OXA1L: variants seen among roughly 807,000 people sequenced by gnomAD.
OXA1L encodes OXA1L mitochondrial inner membrane insertase.
OXA1L carries 42 observed loss-of-function variants against 52.2 expected under a neutral mutation model. The ratio of observed to expected loss-of-function variants is 0.80; its 90% CI spans 0.63 to 1.04. The LOEUF (loss-of-function observed/expected upper bound fraction) is 1.04. Ranked by LOEUF, OXA1L falls within the 50% of genes least tolerant of loss-of-function variation. OXA1L has a pLI of 0.00. For missense variants in OXA1L, 572 were observed against 555.0 expected (o/e 1.03, Z -0.31); for synonymous variants, 239 against 201.9 (o/e 1.18, Z -1.56).
At position 22,766,690 on chromosome 14, in the gene OXA1L, C is replaced by T. The variant is rs773412250; in HGVS notation, c.-12C>T. Reference sequence around the variant, plus strand: ...CTGCGCAGGCGCAAAAGCAAGTCCTCTTCCGGGCAAAATGGCGATGGGACT... The same window carrying T: ...CTGCGCAGGCGCAAAAGCAAGTCCTTTTCCGGGCAAAATGGCGATGGGACT... On this transcript the variant is annotated 5_prime_UTR_variant, in exon 1 of 10. Coordinates refer to ENST00000612549, the MANE Select transcript of OXA1L (RefSeq NM_005015.5). 3 of 1,614,160 alleles carry T rather than the reference C, an allele frequency of 1.9e-6. No individual in the cohort carries two copies. The highest frequency in any genetic ancestry group is 2.2e-5 in the South Asian group (2 of 91,094).
chr14:22,769,911 A>G lies in OXA1L; in HGVS notation c.560A>G (p.Lys187Arg), dbSNP rs768043241. 1.1e-5 allele frequency: 17 copies of G among 1,614,076 alleles called. No homozygotes were observed. The highest frequency in any genetic ancestry group is 5.3e-5 in the African/African-American group (4 of 74,932). ...TTTTCCAGTCGAATCAGAGAGGCCA[A>G]GTTAGCAGGAGACCATATTGAGTGT... Reference protein sequence around the residue: ...QKFSSRIREAKLAGDHIEYYK... With the variant: ...QKFSSRIREARLAGDHIEYYK... The change falls in exon 4 of 10, where the codon AAG becomes AGG. Residue 187 changes from lysine (K) to arginine (R), a missense_variant. Coordinates refer to ENST00000612549, the MANE Select transcript of OXA1L (RefSeq NM_005015.5).
chr14:22,770,980 A>T (rs1379499097), intron 7 of OXA1L, 38 bp from the exon 8 acceptor site: 2 of 1,613,254 alleles, frequency 1.2e-6, no homozygotes, highest in Non-Finnish European at 1.7e-6. Flanking sequence ...CTGACCAGGG[A>T]TACAGCTTCT....
At position 22,768,146 on chromosome 14, in the gene OXA1L, A is replaced by G. The variant is rs559762861; in HGVS notation, c.414A>G (p.Leu138=). The part of the protein sequence containing the change: ...LLEFMHVDLG[L]PWWGAIAACT... ...AATTTATGCATGTTGATCTGGGCCTACCTTGGTGGGGGGCCATTGCTGCAT... is the reference window on the plus strand; with the variant it reads ...AATTTATGCATGTTGATCTGGGCCTGCCTTGGTGGGGGGCCATTGCTGCAT... The change falls in exon 3 of 10, where the codon CTA becomes CTG. Residue 138 remains leucine, a synonymous_variant. Transcript: ENST00000612549. 4.1e-5 allele frequency: 66 copies of G among 1,614,064 alleles called. No homozygotes were observed. In the South Asian group the frequency reaches 6.3e-4, roughly 15 times the overall value.
chr14:22,767,128 C>T (rs1049066903), intron 1 of OXA1L, 120 bp from the exon 2 acceptor site: 11 of 1,536,502 alleles, frequency 7.2e-6, no homozygotes, highest in Non-Finnish European at 9.6e-6. Context: ...TAGCAATGTC[C>T]TCCCCTGTAG....
chr14:22,770,463 C>T lies in OXA1L; in HGVS notation c.672C>T (p.Ala224=). The T allele has an allele frequency of 1.2e-6, 2 of 1,612,956 alleles. No individual in the cohort carries two copies. Among genetic ancestry groups the T allele is most frequent in the Non-Finnish European group, 8.5e-7 (1 of 1,179,116 alleles). ...YKPLILPVTQ[A]PIFISFFIAL... The stretch of plus-strand genomic sequence containing the variant: ...ACACTGTTTATCTTGTGTAATAGGC[C>T]CCAATCTTCATCTCCTTCTTCATTG... The change falls in exon 6 of 10, where the codon GCC becomes GCT. Residue 224 remains alanine, a splice_region_variant and synonymous_variant. Transcript: ENST00000612549.
Position 22,772,408 on chromosome 14 carries a change from G to A in OXA1L, c.*850G>A, listed in dbSNP as rs1161261293. ...GGAGGCTGAGGCAGGAGAATGGCGTGAACCCAGGAGGCAGAGCTTGCAGTG... is the reference window on the plus strand; with the variant it reads ...GGAGGCTGAGGCAGGAGAATGGCGTAAACCCAGGAGGCAGAGCTTGCAGTG... On this transcript the variant is annotated 3_prime_UTR_variant, in exon 10 of 10. Coordinates refer to ENST00000612549, the MANE Select transcript of OXA1L (RefSeq NM_005015.5). The A allele has an allele frequency of 2.1e-5, 3 of 141,454 alleles. No homozygotes were observed. The highest frequency in any genetic ancestry group is 4.5e-5 in the Non-Finnish European group (3 of 66,362). The allele number at this position is 141,454 out of a possible 1,614,324, so 8.8% of individuals were successfully genotyped here. A position where few individuals can be genotyped will look rare whatever the true frequency, so the allele number is the denominator to read the frequency against.
chr14:22,770,279 G>A lies in OXA1L; in HGVS notation c.669+1G>A. 1 of 1,599,668 alleles carries A rather than the reference G, an allele frequency of 6.3e-7. No individual in the cohort carries two copies. Among genetic ancestry groups the A allele is most frequent in the East Asian group, 2.2e-5 (1 of 44,832 alleles). On this transcript the variant is annotated splice_donor_variant, in intron 5 of 9. Coordinates refer to ENST00000612549, the MANE Select transcript of OXA1L (RefSeq NM_005015.5). LOFTEE classifies it high-confidence loss of function. Reference sequence around the variant, plus strand: ...ACCTCTCATTCTCCCTGTGACTCAGGTGAGCAAAAACATTTCCTTCCTTAT... The same window carrying A: ...ACCTCTCATTCTCCCTGTGACTCAGATGAGCAAAAACATTTCCTTCCTTAT...
chr14:22,771,645 A>G lies in OXA1L; in HGVS notation c.*87A>G. The G allele has an allele frequency of 1.5e-6, 2 of 1,370,932 alleles. No individual in the cohort carries two copies. Among genetic ancestry groups the G allele is most frequent in the Non-Finnish European group, 2.1e-6 (2 of 966,746 alleles). 84.9% of individuals were successfully genotyped at this position (1,370,932 alleles called of 1,614,324 possible). A position where few individuals can be genotyped will look rare whatever the true frequency, so the allele number is the denominator to read the frequency against. On this transcript the variant is annotated 3_prime_UTR_variant, in exon 10 of 10. Transcript: ENST00000612549. The stretch of plus-strand genomic sequence containing the variant: ...AGACTTGACACTGTGTCCTTGCCCC[A>G]GTCCTAGGAACTGTGGCACACAGAG...
In OXA1L at chr14:22,770,179, C is replaced by A. The variant is rs1251598470; in HGVS notation, c.584-14C>A. The A allele has an allele frequency of 1.9e-6, 3 of 1,577,208 alleles. No homozygotes were observed. The highest frequency in any genetic ancestry group is 1.3e-5 in the African/African-American group (1 of 74,176). ...AACTGTTACCCCAACCATTAATTTC[C>A]CCTCACCTCACAGATTACAAGGCTT... is the stretch of plus-strand genomic sequence containing the variant. On this transcript the variant is annotated splice_polypyrimidine_tract_variant and intron_variant, in intron 4 of 9. Coordinates refer to ENST00000612549, the MANE Select transcript of OXA1L (RefSeq NM_005015.5).
rs762430719 is a variant in OXA1L, at chr14:22,771,533, A to G, written c.1283A>G (p.Tyr428Cys). 26 of 1,614,204 alleles carry G rather than the reference A, an allele frequency of 1.6e-5. No individual in the cohort carries two copies. The South Asian group carries it at 2.5e-4, about 16-fold the overall frequency. Reference sequence around the variant, plus strand: ...AGCAGCAGCAAACCAAAGTCAAAGTATCCCTGGCACGACACACTTGGCTGA... The same window carrying G: ...AGCAGCAGCAAACCAAAGTCAAAGTGTCCCTGGCACGACACACTTGGCTGA... Reference protein sequence around the residue: ...PSSSSKPKSKYPWHDTLG With the variant: ...PSSSSKPKSKCPWHDTLG Residue 428 changes from tyrosine to cysteine, a missense_variant, in exon 10 of 10, where the codon TAT becomes TGT. Tyr to Cys is a radical substitution (Grantham distance 194). Around this residue, in one of 5 missense-constraint regions of OXA1L, gnomAD observed 244 missense variants for 240.2 expected, o/e 1.02. Transcript: ENST00000612549.
chr14:22,769,782 A>T lies in OXA1L; in HGVS notation c.440-9A>T, dbSNP rs1024342655. 1.9e-6 allele frequency: 3 copies of T among 1,613,964 alleles called. No individual in the cohort carries two copies. The highest frequency in any genetic ancestry group is 2.7e-5 in the African/African-American group (2 of 74,880). On this transcript the variant is annotated splice_polypyrimidine_tract_variant and intron_variant, in intron 3 of 9. Coordinates refer to ENST00000612549, the MANE Select transcript of OXA1L (RefSeq NM_005015.5). The stretch of plus-strand genomic sequence containing the variant: ...TAATTTCACTCCAATCCTAGTTTGT[A>T]TTTTCCAGGTACAGTCTTTGCCCGC...
In OXA1L at chr14:22,771,636, C is replaced by G; in HGVS notation, c.*78C>G. 17 of 1,467,662 alleles carry G rather than the reference C, an allele frequency of 1.2e-5. No individual in the cohort carries two copies. The highest frequency in any genetic ancestry group is 1.5e-5 in the Non-Finnish European group (16 of 1,050,988). 90.9% of individuals were successfully genotyped at this position (1,467,662 alleles called of 1,614,324 possible). ...CTCAAAACAAGACTTGACACTGTGTCCTTGCCCCAGTCCTAGGAACTGTGG... is the reference window on the plus strand; with the variant it reads ...CTCAAAACAAGACTTGACACTGTGTGCTTGCCCCAGTCCTAGGAACTGTGG... On this transcript the variant is annotated 3_prime_UTR_variant, in exon 10 of 10. Coordinates refer to ENST00000612549, the MANE Select transcript of OXA1L (RefSeq NM_005015.5).
rs1231280936 is a variant in OXA1L at position 22,770,608 on chromosome 14, A to G, written c.817A>G (p.Met273Val). Residue 273 changes from methionine to valine, a missense_variant, in exon 6 of 10, where the codon ATG becomes GTG. Met to Val is a conservative substitution (Grantham distance 21). Around this residue, in one of 5 missense-constraint regions of OXA1L, gnomAD observed 244 missense variants for 240.2 expected, o/e 1.02. Coordinates refer to ENST00000612549, the MANE Select transcript of OXA1L (RefSeq NM_005015.5). ...YILPLAVTAT[M>V]WAVLELGAET... ...ATTACCACTGGCAGTCACTGCTACA[A>G]TGTGGGCTGTTCTTGAGGTAAGCCC... is the stretch of plus-strand genomic sequence containing the variant. 48 of 1,612,286 alleles carry G rather than the reference A, an allele frequency of 3.0e-5. No individual in the cohort carries two copies. Among genetic ancestry groups the G allele is most frequent in the East Asian group, 1.3e-4 (6 of 44,846 alleles).
rs570850079 is a variant in OXA1L at position 22,767,113 on chromosome 14, G to T, written c.64-135G>T. The T allele has an allele frequency of 4.6e-6, 7 of 1,534,584 alleles. No homozygotes were observed. In the East Asian group the frequency reaches 1.7e-4, roughly 37 times the overall value. On this transcript the variant is annotated intron_variant, in intron 1 of 9. Coordinates refer to ENST00000612549, the MANE Select transcript of OXA1L (RefSeq NM_005015.5). Reference sequence around the variant, plus strand: ...GCCTTCGGGCTAGCGGTCTGCGCGCGGTGATAGCAATGTCCTCCCCTGTAG... The same window carrying T: ...GCCTTCGGGCTAGCGGTCTGCGCGCTGTGATAGCAATGTCCTCCCCTGTAG...
At chr14:22,767,432 A>G in intron 2 of OXA1L, 23 bp downstream of exon 2, 1 of 1,579,260 alleles carries the variant, frequency 6.3e-7, no homozygotes, top group East Asian at 2.2e-5. Context: ...TCGTTCCTGC[A>G]ATATTAGGAG....
At position 22,771,543 on chromosome 14, in the gene OXA1L, C is replaced by T. The variant is rs780309786; in HGVS notation, c.1293C>T (p.His431=). 87 of 1,614,056 alleles carry T rather than the reference C, an allele frequency of 5.4e-5. No homozygotes were observed. The highest frequency in any genetic ancestry group is 3.3e-4 in the Middle Eastern group (2 of 6,082). The change falls in exon 10 of 10, where the codon CAC becomes CAT. Residue 431 remains histidine (H), a synonymous_variant. Coordinates refer to ENST00000612549, the MANE Select transcript of OXA1L (RefSeq NM_005015.5). ...SSKPKSKYPW[H]DTLG Reference sequence around the variant, plus strand: ...AACCAAAGTCAAAGTATCCCTGGCACGACACACTTGGCTGACTTATGTTCT... The same window carrying T: ...AACCAAAGTCAAAGTATCCCTGGCATGACACACTTGGCTGACTTATGTTCT...
rs772014534 is a variant in OXA1L, at chr14:22,771,200, GA to G, written c.1102+25del. On this transcript the variant is annotated intron_variant, in intron 8 of 9. Transcript: ENST00000612549. ...AAAAAGGTAAGGGCTCATCCTCTGT[GA>G]AAAAGGACTAGGGAAAGGGGTCTAA... is the stretch of plus-strand genomic sequence containing the variant. 63 of 1,613,008 alleles carry G rather than the reference GA, an allele frequency of 3.9e-5. No homozygotes were observed. The highest frequency in any genetic ancestry group is 5.1e-5 in the Non-Finnish European group (60 of 1,179,400).
Position 22,767,344 on chromosome 14 carries a change from C to T in OXA1L, c.160C>T (p.Leu54Phe), listed in dbSNP as rs978294254. Residue 54 changes from leucine to phenylalanine, a missense_variant, in exon 2 of 10, where the codon CTC becomes TTC. Leu to Phe is a conservative substitution (Grantham distance 22, BLOSUM62 0). Coordinates refer to ENST00000612549, the MANE Select transcript of OXA1L (RefSeq NM_005015.5). The part of the protein sequence containing the change: ...AAPCCCRPHY[L>F]FLAASGPRSL... The stretch of plus-strand genomic sequence containing the variant: ...CCCGTGCTGCTGTCGCCCACACTAC[C>T]TCTTCCTTGCGGCTTCCGGCCCCCG... 1.2e-6 allele frequency: 2 copies of T among 1,613,844 alleles called. No homozygotes were observed. The highest frequency in any genetic ancestry group is 1.7e-6 in the Non-Finnish European group (2 of 1,179,958).
intron 1 of OXA1L, 66 bp from the exon 2 acceptor site, chr14:22,767,182 C>G (rs2038414115): frequency 6.4e-7 from 1 of 1,563,740 alleles, no homozygotes; most frequent in Admixed American, 1.8e-5. Flanking sequence ...TAATGAATCC[C>G]GTTTGCACCC....
Sources: allele counts gnomAD v4.1 joint callset, GRCh38; gene constraint gnomAD v4.1.1; regional missense constraint gnomAD v4.1.1; transcripts MANE v1.5; gene names NCBI Gene and HGNC (gene_info 2026-07-23, HGNC 2026-07-21).